Variants in RIC1 observed in about 807,000 individuals in gnomAD.
RIC1 encodes the protein RIC1 partner of RAB6A GEF complex.
RIC1 carries 88 observed loss-of-function variants against 169.0 expected under a neutral mutation model. The observed-to-expected ratio is 0.52, with a 90% confidence interval of 0.44 to 0.62. The LOEUF is 0.62. RIC1 is among the 20% of genes least tolerant of loss of function. The probability of loss-of-function intolerance (pLI) is 0.00; values close to 1 mark genes in which losing one functional copy is unlikely to be tolerated. For synonymous variants in RIC1, 790 were observed against 601.5 expected (o/e 1.31, Z -4.59); for missense variants, 1,877 against 1,725.5 (o/e 1.09, Z -1.56).
intron 2 of RIC1, among the ~76,000 whole-genome samples, chr9:5,662,042 C>T (rs535432275): frequency 1.1e-4 from 17 of 152,052 alleles, no homozygotes; most frequent in Middle Eastern, 6.8e-3. Context: ...TAACCTAAAG[C>T]GATGTTGAAT....
rs963954292 is a variant in RIC1 at position 5,743,706 on chromosome 9, C to G, written c.1064C>G (p.Thr355Ser). The change falls in exon 10 of 26, where the codon ACC becomes AGC. Residue 355 changes from threonine to serine, a missense_variant. Transcript: ENST00000414202. Reference sequence around the variant, plus strand: ...TGTTTCAGTTATAGGTCTGATGGCACCAAAAAAGATCCCCTTAAGATCAAC... The same window carrying G: ...TGTTTCAGTTATAGGTCTGATGGCAGCAAAAAAGATCCCCTTAAGATCAAC... ...GGDFAYRSDG[T>S]KKDPLKINSM... 5.0e-6 allele frequency: 8 copies of G among 1,609,246 alleles called. No individual in the cohort carries two copies. Among genetic ancestry groups the G allele is most frequent in the Middle Eastern group, 1.6e-4 (1 of 6,064 alleles).
chr9:5,651,964 A>G (rs138274962), intron 1 of RIC1, among the ~76,000 whole-genome samples: 327 of 152,336 alleles, frequency 2.1e-3, no homozygotes, highest in African/African-American at 7.7e-3. Context: ...AGCACCATTT[A>G]TTAGATTATC....
intron 8 of RIC1, among the ~76,000 whole-genome samples, chr9:5,740,721 G>A (rs1825033090): frequency 1.3e-5 from 2 of 151,556 alleles, no homozygotes; most frequent in Non-Finnish European, 2.9e-5. Flanking sequence ...ATTAGATTGT[G>A]CCCACCCAGA....
At chr9:5,667,504 CTTT>C (rs1171999345) in intron 2 of RIC1, among the ~76,000 whole-genome samples, 8 of 131,184 alleles carry the variant, frequency 6.1e-5, no homozygotes, top group Admixed American at 2.3e-4. Flanking sequence ...CCACCGCCAC[CTTT>C]TTTTTTTTTT....
intron 10 of RIC1, among the ~76,000 whole-genome samples, chr9:5,745,411 C>T (rs1300985438): frequency 6.6e-6 from 1 of 152,098 alleles, no homozygotes; most frequent in Non-Finnish European, 1.5e-5. Context: ...GAGGAAGAAA[C>T]TTATATCCCG....
chr9:5,697,776 A>G (rs887556814), intron 3 of RIC1, among the ~76,000 whole-genome samples: 5 of 152,208 alleles, frequency 3.3e-5, no homozygotes, highest in African/African-American at 1.2e-4. Context: ...ATCATCTCAA[A>G]TGGATTCATC....
rs545309652 is a variant in RIC1, at chr9:5,744,069, C to G, written c.1095+332C>G. Among the ~76,000 whole-genome samples, 4 of 152,130 alleles carry G rather than the reference C, an allele frequency of 2.6e-5. No individual in the cohort carries two copies. In the South Asian group the frequency reaches 6.2e-4, roughly 24 times the overall value. On this transcript the variant is annotated intron_variant, in intron 10 of 25. Transcript: ENST00000414202. ...GATAAAATCACAAAACTATTTTAGTCTCAGCAGACTCTTCATTATACAGTT... is the reference window on the plus strand; with the variant it reads ...GATAAAATCACAAAACTATTTTAGTGTCAGCAGACTCTTCATTATACAGTT...
intron 8 of RIC1, among the ~76,000 whole-genome samples, chr9:5,740,807 C>T (rs747898450): frequency 6.6e-6 from 1 of 152,016 alleles, no homozygotes; most frequent in Admixed American, 6.6e-5. Flanking sequence ...ACAGACACAC[C>T]CGGGATTAAT....
chr9:5,706,545 A>G (rs1398416100), intron 3 of RIC1, among the ~76,000 whole-genome samples: 1 of 152,072 alleles, frequency 6.6e-6, no homozygotes, highest in African/African-American at 2.4e-5. Context: ...TTATTTAAAT[A>G]TTGTATAGGT....
chr9:5,776,839 G>GCAAA (rs931460169), downstream of RIC1, among the ~76,000 whole-genome samples: 6 of 151,956 alleles, frequency 3.9e-5, no homozygotes, highest in African/African-American at 1.4e-4. Context: ...TACCTACCAA[G>GCAAA]CAAACAAAAT....
chr9:5,701,536 G>A (rs1822219529), intron 3 of RIC1, among the ~76,000 whole-genome samples: 2 of 151,158 alleles, frequency 1.3e-5, no homozygotes. Flanking sequence ...GGACATTGCA[G>A]TTTGCCGAGA....
chr9:5,641,834 C>G (rs1312751429), intron 1 of RIC1, among the ~76,000 whole-genome samples: 1 of 144,202 alleles, frequency 6.9e-6, no homozygotes, highest in East Asian at 1.9e-4. Flanking sequence ...GTGTTATCTT[C>G]AATTTCTTTG....
intron 10 of RIC1, 139 bp downstream of exon 10, chr9:5,743,876 C>T: frequency 1.6e-6 from 1 of 638,408 alleles, no homozygotes. Flanking sequence ...AGTGGCAGAT[C>T]ATAGCTCACT....
downstream of RIC1, among the ~76,000 whole-genome samples, chr9:5,777,292 G>T (rs1460237005): frequency 1.3e-5 from 2 of 149,588 alleles, no homozygotes; most frequent in African/African-American, 2.5e-5. Context: ...ACTTTTTTAG[G>T]TTTCAATATT....
In RIC1 at chr9:5,683,621, G is replaced by A. The variant is rs187777597; in HGVS notation, c.253-6338G>A. Among the ~76,000 whole-genome samples, 448 of 152,292 alleles carry A rather than the reference G, an allele frequency of 2.9e-3. 1 individual carries two copies. Among genetic ancestry groups the A allele is most frequent in the African/African-American group, 0.01 (433 of 41,556 alleles). ...GACCCACTTGAGGAGGCAGTCTGCCGGTTCTCAGATCTCAAGCTGTGTGCT... is the reference window on the plus strand; with the variant it reads ...GACCCACTTGAGGAGGCAGTCTGCCAGTTCTCAGATCTCAAGCTGTGTGCT... On this transcript the variant is annotated intron_variant, in intron 2 of 25. Coordinates refer to ENST00000414202, the MANE Select transcript of RIC1 (RefSeq NM_020829.4).
intron 17 of RIC1, among the ~76,000 whole-genome samples, chr9:5,758,725 T>C (rs1401422572): frequency 6.7e-6 from 1 of 150,082 alleles, no homozygotes; most frequent in Non-Finnish European, 1.5e-5. Context: ...CTCCCTTCTT[T>C]TTTTTTTTTT....
chr9:5,734,066 AATAT>A (rs1276434628), intron 7 of RIC1, among the ~76,000 whole-genome samples: 16 of 146,946 alleles, frequency 1.1e-4, no homozygotes, highest in African/African-American at 2.5e-4. Flanking sequence ...AAATATTATA[AATAT>A]ATATAATATA....
chr9:5,657,694 T>C (rs1819182705), intron 2 of RIC1, among the ~76,000 whole-genome samples: 1 of 152,138 alleles, frequency 6.6e-6, no homozygotes, highest in Non-Finnish European at 1.5e-5. Context: ...TAGTCTGAAA[T>C]GTTCATATGA....
At chr9:5,730,301 A>C (rs1436156833) in intron 6 of RIC1, among the ~76,000 whole-genome samples, 1 of 152,200 alleles carries the variant, frequency 6.6e-6, no homozygotes, top group African/African-American at 2.4e-5. Flanking sequence ...CTTAGAGAGC[A>C]AACAAGACAG....
Sources: gnomAD v4.1 joint callset for allele counts (sites outside exome capture counted in the v4.1 genomes callset) on GRCh38, gnomAD v4.1.1 for gene constraint, MANE v1.5 for transcripts, NCBI Gene and HGNC (gene_info 2026-07-23, HGNC 2026-07-21) for gene names.